The following VCL variants were observed in gnomAD, a reference collection of about 807,000 sequenced individuals.
VCL encodes vinculin.
In VCL, 47 loss-of-function variants were observed where a neutral mutation model predicts 125.7. That is an observed-to-expected ratio of 0.37 (90% CI 0.30 to 0.48). The LOEUF is 0.48. Among genes scored for constraint, VCL ranks in the 20% least tolerant of loss-of-function variants. The pLI is 0.99. For missense variants in VCL, 1,069 were observed against 1,455.5 expected (o/e 0.73, Z 4.32); for synonymous variants, 458 against 514.6 (o/e 0.89, Z 1.49).
At chr10:74,115,039 A>T (rs1458775195) in intron 21 of VCL, 140 bp downstream of exon 21, 2 of 889,474 alleles carry the variant, frequency 2.2e-6, no homozygotes, top group African/African-American at 1.7e-5. Context: ...CTGTCTCAGG[A>T]GGGGAAAGTC....
intron 1 of VCL, among the ~76,000 whole-genome samples, chr10:74,030,404 A>AT (rs1265828746): frequency 1.3e-5 from 2 of 152,352 alleles, no homozygotes; most frequent in South Asian, 2.1e-4. Flanking sequence ...ATACACTGGC[A>AT]TTTTTTGTCA....
At chr10:74,120,452 G>GCTAT (rs765541839), downstream of VCL, 2 of 152,202 alleles carry the variant, frequency 1.3e-5, no homozygotes, top group South Asian at 2.1e-4. Context: ...GAAGATTCTA[G>GCTAT]CTATCTGTGG....
intron 1 of VCL, among the ~76,000 whole-genome samples, chr10:74,006,589 G>A (rs1840327479): frequency 6.6e-6 from 1 of 152,162 alleles, no homozygotes; most frequent in South Asian, 2.1e-4. Context: ...CTGAAAATCT[G>A]AAATCTGAAA....
chr10:73,999,171 G>C (rs963805302), intron 1 of VCL, among the ~76,000 whole-genome samples: 7 of 152,160 alleles, frequency 4.6e-5, no homozygotes, highest in Non-Finnish European at 8.8e-5. Context: ...CTCCCACTGG[G>C]GCCTTTCTAG....
At chr10:74,098,660 G>T (rs193134258) in intron 13 of VCL, among the ~76,000 whole-genome samples, 18 of 152,302 alleles carry the variant, frequency 1.2e-4, no homozygotes, top group African/African-American at 4.1e-4. Flanking sequence ...TATTGGCAGC[G>T]AATGAGAAGG....
chr10:74,107,456 C>T (rs1205966504), intron 17 of VCL, 102 bp downstream of exon 17: 124 of 1,576,326 alleles, frequency 7.9e-5, no homozygotes, highest in Non-Finnish European at 8.2e-5. Flanking sequence ...TAGGTGGCTT[C>T]GTTTAGCTTT....
intron 10 of VCL, among the ~76,000 whole-genome samples, chr10:74,093,947 C>G (rs1839927480): frequency 6.6e-6 from 1 of 152,196 alleles, no homozygotes; most frequent in Non-Finnish European, 1.5e-5. Flanking sequence ...CCACCCAGTT[C>G]CAGAGGAAAC....
Position 73,998,315 on chromosome 10 carries a change from C to T in VCL, c.108C>T (p.Ala36=). Residue 36 remains alanine (A), a synonymous_variant, in exon 1 of 22, where the codon GCC becomes GCT. Transcript: ENST00000211998. ...MHEEGEVDGK[A]IPDLTAPVAA... is the part of the protein sequence containing the mutation. Reference sequence around the variant, plus strand: ...AGGAGGGCGAGGTGGACGGCAAAGCCATTCCTGACCTCACCGCGCCCGTGG... The same window carrying T: ...AGGAGGGCGAGGTGGACGGCAAAGCTATTCCTGACCTCACCGCGCCCGTGG... The T allele has an allele frequency of 6.3e-7, 1 of 1,583,448 alleles. No homozygotes were observed. The highest frequency in any genetic ancestry group is 2.4e-5 in the East Asian group (1 of 42,508).
At chr10:74,065,212 A>C (rs922154435) in intron 2 of VCL, among the ~76,000 whole-genome samples, 6 of 151,104 alleles carry the variant, frequency 4.0e-5, no homozygotes, top group African/African-American at 1.5e-4. Context: ...TCTTGGCTCA[A>C]TGCAACCTCC....
At chr10:74,087,906 G>C (rs1165734356) in intron 8 of VCL, among the ~76,000 whole-genome samples, 2 of 152,152 alleles carry the variant, frequency 1.3e-5, no homozygotes, top group African/African-American at 2.4e-5. Flanking sequence ...AACTACTTGA[G>C]AGGCTGAGGT....
intron 1 of VCL, among the ~76,000 whole-genome samples, chr10:74,038,451 C>G (rs147565680): frequency 8.5e-5 from 13 of 152,310 alleles, no homozygotes; most frequent in African/African-American, 3.1e-4. Flanking sequence ...GGCATTCATT[C>G]TATATAGTCA....
chr10:74,035,040 C>T (rs538450962), intron 1 of VCL, among the ~76,000 whole-genome samples: 1 of 152,282 alleles, frequency 6.6e-6, no homozygotes, highest in African/African-American at 2.4e-5. Flanking sequence ...TTGGTCACAA[C>T]CTATTGTCTA....
Position 74,114,891 on chromosome 10 carries a change from T to A in VCL, c.3250T>A (p.Ser1084Thr), listed in dbSNP as rs1197638416. 6.3e-7 allele frequency: 1 copy of A among 1,590,546 alleles called. No homozygotes were observed. The highest frequency in any genetic ancestry group is 8.6e-7 in the Non-Finnish European group (1 of 1,168,660). The part of the protein sequence containing the change: ...LGRTNISDEE[S>T]EQATEMLVHN... ...CCGGACCAACATCAGTGATGAGGAGTCTGAGCAGGTATGTGGCAGCTGTTT... is the reference window on the plus strand; with the variant it reads ...CCGGACCAACATCAGTGATGAGGAGACTGAGCAGGTATGTGGCAGCTGTTT... Residue 1084 changes from serine (S) to threonine (T), a missense_variant, in exon 21 of 22, where the codon TCT (serine) becomes ACT (threonine). Around this residue, in one of 6 missense-constraint regions of VCL, gnomAD observed 91 missense variants for 203.9 expected, o/e 0.45. Transcript: ENST00000211998.
intron 1 of VCL, among the ~76,000 whole-genome samples, chr10:74,010,881 ACATGGGGGCTGGG>A (rs1245361476): frequency 1.3e-5 from 2 of 152,326 alleles, no homozygotes; most frequent in East Asian, 3.9e-4. Context: ...ACTTATTAAG[ACATGGGGGCTGGG>A]CATGGTGGCT....
At chr10:74,098,174 C>T (rs1296799060) in intron 13 of VCL, among the ~76,000 whole-genome samples, 1 of 152,116 alleles carries the variant, frequency 6.6e-6, no homozygotes, top group Admixed American at 6.5e-5. Flanking sequence ...TTTATATGTT[C>T]TAATCTTGGG....
chr10:74,054,881 A>G (rs1391722503), intron 2 of VCL, among the ~76,000 whole-genome samples: 2 of 152,144 alleles, frequency 1.3e-5, no homozygotes, highest in Non-Finnish European at 2.9e-5. Flanking sequence ...AGATCACGCC[A>G]TTGCACTTCA....
intron 1 of VCL, among the ~76,000 whole-genome samples, chr10:74,041,568 A>G (rs889291841): frequency 3.3e-5 from 5 of 152,316 alleles, no homozygotes; most frequent in Admixed American, 6.5e-5. Context: ...ATAATTGTGT[A>G]CTGAGATTAT....
chr10:74,118,303 G>A lies in VCL; in HGVS notation c.*134G>A. On this transcript the variant is annotated 3_prime_UTR_variant, in exon 22 of 22. Transcript: ENST00000211998. ...GCCTGGCACATCAGAAAGGAATGGG[G>A]GCCTCTTCAAATTAGAAGACATTTA... 3 of 1,064,358 alleles carry A rather than the reference G, an allele frequency of 2.8e-6. No homozygotes were observed. Among genetic ancestry groups the A allele is most frequent in the Non-Finnish European group, 4.2e-6 (3 of 712,394 alleles). 65.9% of individuals were successfully genotyped at this position (1,064,358 alleles called of 1,614,324 possible).
chr10:74,041,890 G>A (rs1282123105), intron 1 of VCL, among the ~76,000 whole-genome samples: 2 of 152,222 alleles, frequency 1.3e-5, no homozygotes, highest in African/African-American at 4.8e-5. Context: ...GCAACAGAGT[G>A]AGACTCTATT....
Sources: allele counts gnomAD v4.1 joint callset (sites outside exome capture counted in the v4.1 genomes callset), GRCh38; gene constraint gnomAD v4.1.1; regional missense constraint gnomAD v4.1.1; transcripts MANE v1.5; gene names NCBI Gene and HGNC (gene_info 2026-07-23, HGNC 2026-07-21).